The following CNNM2 variants were observed in gnomAD, a reference collection of about 807,000 sequenced individuals.
CNNM2 encodes the protein metal transporter CNNM2.
Under a neutral mutation model 66.9 loss-of-function variants are expected in CNNM2, and 12 were observed. That is an observed-to-expected ratio of 0.18 (90% confidence interval 0.11 to 0.29). The LOEUF (loss-of-function observed/expected upper bound fraction) is 0.29, where lower values mean the gene tolerates loss of function less well. Ranked by LOEUF, CNNM2 falls within the 10% of genes least tolerant of loss-of-function variation. CNNM2 has a pLI of 1.00. For missense variants in CNNM2, 705 were observed against 1,167.7 expected, an observed-to-expected ratio of 0.60 and a Z score of 5.77; for synonymous variants, 557 against 501.8, an observed-to-expected ratio of 1.11 and a Z score of -1.47.
chr10:102,994,076 A>C (rs549436242), intron 1 of CNNM2, among the ~76,000 whole-genome samples: 315 of 152,260 alleles, frequency 2.1e-3, no homozygotes, highest in Non-Finnish European at 3.9e-3. Context: ...AGCTGGGATT[A>C]CAGGCACATG....
chr10:103,061,843 T>A (rs1382902897), intron 4 of CNNM2, among the ~76,000 whole-genome samples: 1 of 150,622 alleles, frequency 6.6e-6, no homozygotes, highest in Non-Finnish European at 1.5e-5. Flanking sequence ...AACCAAAATA[T>A]GTCACATTAA....
Position 103,004,578 on chromosome 10 carries a change from G to C in CNNM2, c.1622-45129G>C, listed in dbSNP as rs867968436. Among the ~76,000 whole-genome samples, 21 of 152,204 alleles carry C rather than the reference G, an allele frequency of 1.4e-4. 1 individual carries two copies. The highest frequency in any genetic ancestry group is 1.3e-4 in the Non-Finnish European group (9 of 68,044). ...GTTCAAGGGTAGAGCCTGAGAGTCT[G>C]CATTTGTCAGGAGCCAGTTGGACTG... On this transcript the variant is annotated intron_variant, in intron 1 of 7. Transcript: ENST00000369878.
chr10:102,933,615 G>A (rs561040374), intron 1 of CNNM2, among the ~76,000 whole-genome samples: 11 of 152,182 alleles, frequency 7.2e-5, no homozygotes, highest in Admixed American at 7.2e-4. Context: ...TTTAAAAAAT[G>A]TAGGGATTTT....
chr10:103,087,318 T>C lies in CNNM2; in HGVS notation c.*10138T>C, dbSNP rs1002445151. 6.6e-6 allele frequency: 1 copy of C among 151,988 alleles called. No homozygotes were observed. The highest frequency in any genetic ancestry group is 1.5e-5 in the Non-Finnish European group (1 of 68,008). 9.4% of individuals were successfully genotyped at this position (151,988 alleles called of 1,614,324 possible). ...TCCCAGCACACTCTTAAGAATAATA[T>C]ACAGAGAGGCACCATTTTGCTCTGG... On this transcript the variant is annotated 3_prime_UTR_variant, in exon 8 of 8. Transcript: ENST00000369878.
Position 102,989,487 on chromosome 10 carries a change from T to TAA in CNNM2, c.1622-60211_1622-60210dup, listed in dbSNP as rs145634520. On this transcript the variant is annotated intron_variant, in intron 1 of 7. Transcript: ENST00000369878. The stretch of plus-strand genomic sequence containing the variant: ...TTGCTTTATGTTCTTAAAGTGAGTT[T>TAA]AAAAAAAAAATGGTACATTTAAAGA... Among the ~76,000 whole-genome samples, 4 of 149,790 alleles carry TAA rather than the reference T, an allele frequency of 2.7e-5. No homozygotes were observed. In the South Asian group the frequency reaches 6.3e-4, roughly 24 times the overall value.
chr10:102,975,506 A>G (rs1010561964), intron 1 of CNNM2, among the ~76,000 whole-genome samples: 2 of 149,894 alleles, frequency 1.3e-5, no homozygotes, highest in Non-Finnish European at 3.0e-5. Flanking sequence ...CCACAGAGTT[A>G]AACAGCCTTT....
At chr10:103,010,234 T>C (rs1191028873) in intron 1 of CNNM2, among the ~76,000 whole-genome samples, 1 of 152,098 alleles carries the variant, frequency 6.6e-6, no homozygotes, top group Non-Finnish European at 1.5e-5. Flanking sequence ...ACCATCTTTT[T>C]TTTTTTTATT....
intron 1 of CNNM2, among the ~76,000 whole-genome samples, chr10:102,985,546 TCTC>T (rs907590507): frequency 8.5e-5 from 13 of 152,132 alleles, no homozygotes; most frequent in African/African-American, 3.1e-4. Flanking sequence ...TCACTTATGT[TCTC>T]CTTCAGGTTC....
intron 1 of CNNM2, among the ~76,000 whole-genome samples, chr10:102,963,906 T>C (rs1432362131): frequency 6.6e-6 from 1 of 152,198 alleles, no homozygotes; most frequent in Non-Finnish European, 1.5e-5. Flanking sequence ...CGTTAAGGAA[T>C]CGTGTTTTCT....
intron 1 of CNNM2, among the ~76,000 whole-genome samples, chr10:103,017,981 A>AAAAAAAAAAAAAAAAAAAT: frequency 6.7e-6 from 1 of 148,964 alleles, no homozygotes; most frequent in African/African-American, 2.4e-5. Context: ...AAAAAAAAAA[A>AAAAAAAAAAAAAAAAAAAT]GGCAAGCCGC....
intron 1 of CNNM2, among the ~76,000 whole-genome samples, chr10:102,926,189 C>T (rs557327326): frequency 6.6e-6 from 1 of 152,162 alleles, no homozygotes; most frequent in Non-Finnish European, 1.5e-5. Context: ...GTACCACACA[C>T]CTCCCAAGTT....
chr10:103,057,465 T>TAA (rs80025082), intron 4 of CNNM2, among the ~76,000 whole-genome samples: 2 of 141,652 alleles, frequency 1.4e-5, no homozygotes, highest in Non-Finnish European at 1.5e-5. Flanking sequence ...AACCCTGTTT[T>TAA]AAAAAAAAAA....
chr10:103,024,154 CT>C (rs1467545669), intron 1 of CNNM2, among the ~76,000 whole-genome samples: 1 of 151,950 alleles, frequency 6.6e-6, no homozygotes, highest in Non-Finnish European at 1.5e-5. Flanking sequence ...TGATATTATG[CT>C]TTTTTTGGTG....
intron 1 of CNNM2, 127 bp from the exon 2 acceptor site, chr10:103,049,580 A>T: frequency 2.1e-6 from 2 of 930,558 alleles, no homozygotes; most frequent in Non-Finnish European, 3.3e-6. Flanking sequence ...GTACCATTTT[A>T]AAATGCTGAA....
chr10:102,962,478 C>T (rs1657360940), intron 1 of CNNM2, among the ~76,000 whole-genome samples: 1 of 152,130 alleles, frequency 6.6e-6, no homozygotes, highest in Non-Finnish European at 1.5e-5. Context: ...TAGTAGTCAA[C>T]TTTCCTGAGG....
chr10:102,937,260 G>A (rs1846271051), intron 1 of CNNM2, among the ~76,000 whole-genome samples: 1 of 152,104 alleles, frequency 6.6e-6, no homozygotes, highest in Admixed American at 6.5e-5. Flanking sequence ...ATAAAAGTTT[G>A]GTGAAAGCCA....
rs539745735 is a variant in CNNM2, at chr10:103,068,091, C to A, written c.2074-538C>A. 5.3e-5 allele frequency among the ~76,000 whole-genome samples: 8 copies of A among 152,360 alleles called. No individual in the cohort carries two copies. The South Asian group carries it at 1.7e-3, about 32-fold the overall frequency. ...GACAGCCTAGGCAGCCATCGCCCAGCATCATCTTGGTGCTGGTCCCACTGA... is the reference window on the plus strand; with the variant it reads ...GACAGCCTAGGCAGCCATCGCCCAGAATCATCTTGGTGCTGGTCCCACTGA... On this transcript the variant is annotated intron_variant, in intron 4 of 7. Transcript: ENST00000369878.
chr10:102,931,179 G>A (rs1846050471), intron 1 of CNNM2, among the ~76,000 whole-genome samples: 1 of 152,028 alleles, frequency 6.6e-6, no homozygotes, highest in South Asian at 2.1e-4. Flanking sequence ...CTGCCTCAGT[G>A]CCCCTGCTTG....
intron 1 of CNNM2, among the ~76,000 whole-genome samples, chr10:103,031,395 G>C (rs1352707618): frequency 1.3e-5 from 2 of 152,124 alleles, no homozygotes; most frequent in Non-Finnish European, 2.9e-5. Flanking sequence ...ATATATCTCT[G>C]TGGTTGCAGT....
Sources: gnomAD v4.1 joint callset for allele counts (sites outside exome capture counted in the v4.1 genomes callset) on GRCh38, gnomAD v4.1.1 for gene constraint, MANE v1.5 for transcripts, NCBI Gene and HGNC (gene_info 2026-07-23, HGNC 2026-07-21) for gene names.